NCAM2: variants seen among roughly 807,000 people sequenced by gnomAD.
The protein encoded by NCAM2 is N-CAM-2.
NCAM2 carries 30 observed loss-of-function variants against 98.1 expected under a neutral mutation model. The ratio of observed to expected loss-of-function variants is 0.31; its 90% CI spans 0.23 to 0.41. The LOEUF (loss-of-function observed/expected upper bound fraction) is 0.41. NCAM2 is among the 10% of genes least tolerant of loss of function. The pLI, the probability that NCAM2 is intolerant of heterozygous loss-of-function variation, is 1.00. For synonymous variants in NCAM2, 368 were observed against 342.4 expected, an observed-to-expected ratio of 1.07 and a Z score of -0.83; for missense variants, 867 against 1,005.8, an observed-to-expected ratio of 0.86 and a Z score of 1.87.
chr21:21,528,529 T>C (rs543534258), intron 16 of NCAM2, among the ~76,000 whole-genome samples: 3 of 152,288 alleles, frequency 2.0e-5, no homozygotes, highest in Admixed American at 6.5e-5. Context: ...TCTATACAAA[T>C]GGAATTTTAA....
At chr21:21,272,619 C>G (rs1401279291) in intron 1 of NCAM2, among the ~76,000 whole-genome samples, 2 of 151,542 alleles carry the variant, frequency 1.3e-5, no homozygotes, top group Non-Finnish European at 2.9e-5. Context: ...AATGGGGAGA[C>G]TAAAACTAAG....
rs567979152 is a variant in NCAM2, at chr21:21,161,653, T to G, written c.56-118925T>G. ...ATATGTGTGTATTTAAAAATATTTA[T>G]GCAATATCCTGTGTCTGTCCTATTA... On this transcript the variant is annotated intron_variant, in intron 1 of 17. Coordinates refer to ENST00000400546, the MANE Select transcript of NCAM2 (RefSeq NM_004540.5). 1.5e-4 allele frequency among the ~76,000 whole-genome samples: 23 copies of G among 152,046 alleles called. No individual in the cohort carries two copies. The East Asian group carries it at 4.2e-3, about 28-fold the overall frequency.
intron 1 of NCAM2, among the ~76,000 whole-genome samples, chr21:21,187,645 A>G (rs2068684439): frequency 6.6e-6 from 1 of 152,202 alleles, no homozygotes; most frequent in Non-Finnish European, 1.5e-5. Context: ...TAGAACTATG[A>G]CATGACATAA....
intron 1 of NCAM2, among the ~76,000 whole-genome samples, chr21:21,153,144 C>G (rs549338506): frequency 6.7e-6 from 1 of 149,606 alleles, no homozygotes; most frequent in African/African-American, 2.5e-5. Flanking sequence ...TCAACTATAC[C>G]GTCATGGCCA....
chr21:21,086,410 G>A (rs7510404), intron 1 of NCAM2, among the ~76,000 whole-genome samples: 150,579 of 152,314 alleles, frequency 0.99, 74,462 homozygotes, highest in Middle Eastern at 1. Flanking sequence ...CACATTTTAC[G>A]TTTACATTTG....
At chr21:21,433,947 G>A (rs1201505157) in intron 12 of NCAM2, among the ~76,000 whole-genome samples, 7 of 151,888 alleles carry the variant, frequency 4.6e-5, no homozygotes, top group Non-Finnish European at 8.8e-5. Flanking sequence ...AATTGAACAC[G>A]GCACAAAAGT....
chr21:21,363,544 C>T (rs979213489), intron 8 of NCAM2, among the ~76,000 whole-genome samples: 6 of 152,060 alleles, frequency 3.9e-5, no homozygotes, highest in Non-Finnish European at 5.9e-5. Context: ...ACCATTTCTG[C>T]TTCGTGGGTC....
chr21:21,207,283 G>A (rs2826735), intron 1 of NCAM2, among the ~76,000 whole-genome samples: 56,131 of 151,948 alleles, frequency 0.37, 10,714 homozygotes, highest in Non-Finnish European at 0.43. Flanking sequence ...GAAATAATGT[G>A]TACAATGGTA....
intron 1 of NCAM2, among the ~76,000 whole-genome samples, chr21:21,193,096 A>T (rs1267508037): frequency 1.3e-5 from 2 of 152,196 alleles, no homozygotes; most frequent in Non-Finnish European, 2.9e-5. Context: ...AGCTCCGTTT[A>T]TGGATTATTC....
intron 1 of NCAM2, among the ~76,000 whole-genome samples, chr21:21,209,727 C>T (rs1358868077): frequency 3.9e-5 from 6 of 152,056 alleles, no homozygotes; most frequent in Non-Finnish European, 2.9e-5. Context: ...TTAAAAGATA[C>T]GTGTGTTCTA....
At chr21:21,016,098 A>G (rs1373881612) in intron 1 of NCAM2, among the ~76,000 whole-genome samples, 1 of 152,156 alleles carries the variant, frequency 6.6e-6, no homozygotes, top group Non-Finnish European at 1.5e-5. Flanking sequence ...ATTGGCTATA[A>G]TCATTTCATA....
chr21:21,329,504 G>C (rs77367663), intron 6 of NCAM2, among the ~76,000 whole-genome samples: 2,831 of 152,180 alleles, frequency 0.019, 91 homozygotes, highest in East Asian at 0.15. Context: ...ATATTTTGTA[G>C]AACATACCCC....
intron 13 of NCAM2, among the ~76,000 whole-genome samples, chr21:21,467,241 C>T (rs931034763): frequency 6.6e-6 from 1 of 151,512 alleles, no homozygotes; most frequent in African/African-American, 2.4e-5. Context: ...ATTGAGTTTA[C>T]ATAGAGTGAA....
chr21:21,316,897 T>G (rs1176517761), intron 5 of NCAM2, among the ~76,000 whole-genome samples: 1 of 152,208 alleles, frequency 6.6e-6, no homozygotes, highest in Non-Finnish European at 1.5e-5. Flanking sequence ...ATATTGGTCC[T>G]TGGACCATTA....
intron 1 of NCAM2, among the ~76,000 whole-genome samples, chr21:21,048,738 A>G (rs1338205754): frequency 2.0e-5 from 3 of 152,204 alleles, no homozygotes; most frequent in African/African-American, 4.8e-5. Context: ...CCTGGGGCAC[A>G]TGTTCTCAGG....
At chr21:21,220,775 G>A (rs1411075323) in intron 1 of NCAM2, among the ~76,000 whole-genome samples, 1 of 152,084 alleles carries the variant, frequency 6.6e-6, no homozygotes, top group Non-Finnish European at 1.5e-5. Context: ...CTGGGGTGGG[G>A]CCTTAGATTC....
chr21:21,396,570 G>C (rs984790899), intron 9 of NCAM2, among the ~76,000 whole-genome samples: 5 of 152,132 alleles, frequency 3.3e-5, no homozygotes, highest in African/African-American at 9.7e-5. Flanking sequence ...ACCCGCCAAG[G>C]GTGAACCAGG....
chr21:21,177,685 A>G (rs1418021377), intron 1 of NCAM2, among the ~76,000 whole-genome samples: 4 of 151,224 alleles, frequency 2.6e-5, no homozygotes, highest in Admixed American at 6.6e-5. Context: ...TTCCCTTTCC[A>G]TTTCTCACCT....
At chr21:21,033,959 G>A (rs1315378627) in intron 1 of NCAM2, among the ~76,000 whole-genome samples, 3 of 151,080 alleles carry the variant, frequency 2.0e-5, no homozygotes, top group East Asian at 2.0e-4. Context: ...TCCCCCATTC[G>A]AAACTTTATT....
Sources: gnomAD v4.1 joint callset for allele counts (sites outside exome capture counted in the v4.1 genomes callset) on GRCh38, gnomAD v4.1.1 for gene constraint, MANE v1.5 for transcripts, NCBI Gene and HGNC (gene_info 2026-07-23, HGNC 2026-07-21) for gene names.